The following COX16 variants were observed in gnomAD, a reference collection of about 807,000 sequenced individuals.
COX16 encodes the protein cytochrome c oxidase assembly factor COX16, also known as cytochrome c oxidase assembly protein COX16 homolog, mitochondrial.
COX16 carries 12 observed loss-of-function variants against 15.4 expected under a neutral mutation model. That is an observed-to-expected ratio of 0.78 (90% CI 0.50 to 1.26). The LOEUF (loss-of-function observed/expected upper bound fraction) is 1.26, where lower values mean the gene tolerates loss of function less well. Among genes scored for constraint, COX16 ranks in the 50% most tolerant of loss-of-function variants. The probability of loss-of-function intolerance (pLI) is 0.00; values close to 1 mark genes in which losing one functional copy is unlikely to be tolerated. For missense variants in COX16, 124 were observed against 127.6 expected, an observed-to-expected ratio of 0.97 and a Z score of 0.14; for synonymous variants, 46 against 41.1, an observed-to-expected ratio of 1.12 and a Z score of -0.46.
intron 1 of COX16, among the ~76,000 whole-genome samples, chr14:70,347,625 CAAAG>C (rs530262778): frequency 1.7e-3 from 252 of 152,266 alleles, no homozygotes; most frequent in African/African-American, 5.3e-3. Flanking sequence ...TAGCCCCTCT[CAAAG>C]AGACTGCAAC....
intron 2 of COX16, among the ~76,000 whole-genome samples, chr14:70,332,659 C>A (rs747045007): frequency 2.0e-4 from 30 of 152,204 alleles, no homozygotes; most frequent in Non-Finnish European, 3.8e-4. Context: ...TTCAGCCCCT[C>A]CTGTGGAAGT....
intron 2 of COX16, among the ~76,000 whole-genome samples, chr14:70,331,650 A>G (rs1176073344): frequency 6.6e-6 from 1 of 152,246 alleles, no homozygotes. Flanking sequence ...AATACAAAGT[A>G]TTTGGAGCCT....
At chr14:70,330,085 G>A (rs939528363) in intron 2 of COX16, among the ~76,000 whole-genome samples, 1 of 152,036 alleles carries the variant, frequency 6.6e-6, no homozygotes, top group East Asian at 1.9e-4. Context: ...TGAGTCCTCA[G>A]ACTGAAAGAA....
chr14:70,354,828 G>C (rs1312947518), intron 1 of COX16, among the ~76,000 whole-genome samples: 1 of 109,352 alleles, frequency 9.1e-6, no homozygotes. Context: ...ACTATGCATA[G>C]AGTGTGTGTG....
At chr14:70,340,389 T>G (rs963631225) in intron 2 of COX16, among the ~76,000 whole-genome samples, 1 of 152,180 alleles carries the variant, frequency 6.6e-6, no homozygotes, top group Non-Finnish European at 1.5e-5. Context: ...AGGTCTTTAT[T>G]AGCAGTGTGA....
chr14:70,329,721 C>A (rs1381922442), intron 2 of COX16, among the ~76,000 whole-genome samples: 471 of 117,584 alleles, frequency 4.0e-3, no homozygotes, highest in South Asian at 4.7e-3. Flanking sequence ...AGATATCTAC[C>A]AAAAAAAAAA....
At chr14:70,335,882 T>C (rs193284048) in intron 2 of COX16, among the ~76,000 whole-genome samples, 25 of 152,250 alleles carry the variant, frequency 1.6e-4, no homozygotes, top group Admixed American at 8.5e-4. Flanking sequence ...TCCACTGATA[T>C]AAAATTCAAA....
At chr14:70,329,472 AT>A (rs1170896530) in intron 2 of COX16, among the ~76,000 whole-genome samples, 3 of 152,116 alleles carry the variant, frequency 2.0e-5, no homozygotes, top group Non-Finnish European at 4.4e-5. Flanking sequence ...ATTTTGACAT[AT>A]ATTATCTTGT....
In COX16 at chr14:70,326,328, C is replaced by A; in HGVS notation, c.*5G>T. ...AAAAAAAAAAGGAAAAAAGAATCAG[C>A]AGAGTCAAGTTGTCTTAGTCTTAAG... On this transcript the variant is annotated 3_prime_UTR_variant, in exon 4 of 4. Coordinates refer to ENST00000389912, the MANE Select transcript of COX16 (RefSeq NM_016468.7). 2.1e-6 allele frequency: 3 copies of A among 1,454,236 alleles called. No homozygotes were observed. The highest frequency in any genetic ancestry group is 2.8e-5 in the Admixed American group (1 of 36,212). 90.1% of individuals were successfully genotyped at this position (1,454,236 alleles called of 1,614,324 possible). A position where few individuals can be genotyped will look rare whatever the true frequency, so the allele number is the denominator to read the frequency against.
At chr14:70,333,034 G>C (rs996980394) in intron 2 of COX16, among the ~76,000 whole-genome samples, 3 of 152,210 alleles carry the variant, frequency 2.0e-5, no homozygotes, top group Non-Finnish European at 4.4e-5. Context: ...AGGCAGCTCA[G>C]GTGGACACAG....
intron 3 of COX16, among the ~76,000 whole-genome samples, chr14:70,327,251 C>T (rs1886110777): frequency 6.6e-6 from 1 of 152,174 alleles, no homozygotes; most frequent in African/African-American, 2.4e-5. Context: ...GCATTACTCT[C>T]TTACTAACTA....
rs1886418883 is a variant in COX16, at chr14:70,335,414, A to G, written c.142-6178T>C. On this transcript the variant is annotated intron_variant, in intron 2 of 3. Coordinates refer to ENST00000389912, the MANE Select transcript of COX16 (RefSeq NM_016468.7). ...AGAATACACTTTTTCTCATCAGCAC[A>G]TGGAATATTCTCCAGGATAGACCAT... 2.0e-5 allele frequency among the ~76,000 whole-genome samples: 3 copies of G among 152,182 alleles called. No individual in the cohort carries two copies. The South Asian group carries it at 6.2e-4, about 32-fold the overall frequency.
intron 2 of COX16, among the ~76,000 whole-genome samples, chr14:70,337,215 A>T (rs1005741670): frequency 1.3e-5 from 2 of 152,178 alleles, no homozygotes; most frequent in African/African-American, 2.4e-5. Context: ...TCTGAAAAGT[A>T]GAGCAGAATT....
intron 2 of COX16, among the ~76,000 whole-genome samples, chr14:70,337,094 CAG>C (rs1023089543): frequency 2.0e-5 from 3 of 152,130 alleles, no homozygotes; most frequent in Non-Finnish European, 4.4e-5. Context: ...CTGGAGGTCA[CAG>C]AAACCACCAC....
At chr14:70,345,293 G>GT (rs1566602943) in intron 1 of COX16, among the ~76,000 whole-genome samples, 2 of 152,224 alleles carry the variant, frequency 1.3e-5, no homozygotes, top group East Asian at 3.9e-4. Context: ...AGGCGCCGGC[G>GT]TGTGCCAGGC....
At chr14:70,353,429 CAT>C (rs1470596193) in intron 1 of COX16, among the ~76,000 whole-genome samples, 1 of 148,886 alleles carries the variant, frequency 6.7e-6, no homozygotes, top group African/African-American at 2.5e-5. Context: ...TATACACACA[CAT>C]ATACACACAT....
intron 1 of COX16, among the ~76,000 whole-genome samples, chr14:70,343,390 T>TA (rs1339588419): frequency 6.6e-6 from 1 of 152,236 alleles, no homozygotes; most frequent in East Asian, 1.9e-4. Context: ...TCTATAACAT[T>TA]ATTGTTTTTT....
intron 2 of COX16, among the ~76,000 whole-genome samples, chr14:70,333,499 G>A (rs1274000229): frequency 6.6e-6 from 1 of 152,070 alleles, no homozygotes; most frequent in Non-Finnish European, 1.5e-5. Flanking sequence ...AAAGATCAGT[G>A]AGCTCAAAGA....
intron 1 of COX16, among the ~76,000 whole-genome samples, chr14:70,345,357 C>G (rs1459258849): frequency 6.6e-6 from 1 of 152,188 alleles, no homozygotes; most frequent in Non-Finnish European, 1.5e-5. Context: ...TGATCGTGTT[C>G]CAGGAACGAA....
Sources: allele counts gnomAD v4.1 joint callset (sites outside exome capture counted in the v4.1 genomes callset), GRCh38; gene constraint gnomAD v4.1.1; transcripts MANE v1.5; gene names NCBI Gene and HGNC (gene_info 2026-07-23, HGNC 2026-07-21).